The following PTPN21 variants were observed in gnomAD, a reference collection of about 807,000 sequenced individuals.
PTPN21 encodes tyrosine-protein phosphatase non-receptor type 21.
In PTPN21, 77 loss-of-function variants were observed where a neutral mutation model predicts 131.8. That is an observed-to-expected ratio of 0.58 (90% confidence interval 0.49 to 0.71). The LOEUF (loss-of-function observed/expected upper bound fraction) is 0.71, where lower values mean the gene tolerates loss of function less well. Ranked by LOEUF, PTPN21 falls within the 30% of genes least tolerant of loss-of-function variation. The pLI is 0.00. For synonymous variants in PTPN21, 715 were observed against 621.3 expected, an observed-to-expected ratio of 1.15 and a Z score of -2.24; for missense variants, 1,552 against 1,527.1, an observed-to-expected ratio of 1.02 and a Z score of -0.27.
In PTPN21 at chr14:88,479,365, T is replaced by G. The variant is rs779100896; in HGVS notation, c.2066A>C (p.Glu689Ala). 157 of 1,611,998 alleles carry G rather than the reference T, an allele frequency of 9.7e-5. No individual in the cohort carries two copies. The highest frequency in any genetic ancestry group is 3.2e-4 in the South Asian group (29 of 91,072). Residue 689 changes from glutamate to alanine, a missense_variant, in exon 13 of 19, where the codon GAG becomes GCG. Glu to Ala is a moderately radical substitution (Grantham distance 107). This residue lies in a region of PTPN21 where 1,016 missense variants were observed against 883.5 expected (regional missense o/e 1.15). Transcript: ENST00000556564. ...ATGGCCGTACCTCAAGCCCTCCGCC[T>G]CCTCCGGCCCTTCTCGCTGTGTCCT... ...TERTQREGPE[E>A]AEGLRYGHKK...
chr14:88,530,649 G>A (rs2078543907), intron 2 of PTPN21, among the ~76,000 whole-genome samples: 1 of 151,942 alleles, frequency 6.6e-6, no homozygotes, highest in African/African-American at 2.4e-5. Context: ...CTTATATTGG[G>A]CGAATCAGGC....
chr14:88,520,890 C>T lies in PTPN21; in HGVS notation c.181-3629G>A, dbSNP rs114516101. Reference sequence around the variant, plus strand: ...AGAGAGTTGCACTCTATCACTCAGGCGGGAGTGTACTGACATGATCACGGC... The same window carrying T: ...AGAGAGTTGCACTCTATCACTCAGGTGGGAGTGTACTGACATGATCACGGC... On this transcript the variant is annotated intron_variant, in intron 2 of 18. Coordinates refer to ENST00000556564, the MANE Select transcript of PTPN21 (RefSeq NM_007039.4). Among the ~76,000 whole-genome samples, 947 of 152,218 alleles carry T rather than the reference C, an allele frequency of 6.2e-3. 9 individuals are homozygous for T. The highest frequency in any genetic ancestry group is 0.021 in the African/African-American group (868 of 41,540).
At chr14:88,499,434 C>A (rs906378926) in intron 8 of PTPN21, 1 of 152,082 alleles carries the variant, frequency 6.6e-6, no homozygotes, top group African/African-American at 2.4e-5. Context: ...TGTTGTGGGG[C>A]GGGCAGTGAG....
At chr14:88,545,178 T>C (rs985973345) in intron 2 of PTPN21, among the ~76,000 whole-genome samples, 1 of 152,204 alleles carries the variant, frequency 6.6e-6, no homozygotes, top group African/African-American at 2.4e-5. Context: ...ATTCTTCTGA[T>C]TCCATGTTCA....
At chr14:88,482,618 G>GAA (rs777369524) in intron 12 of PTPN21, among the ~76,000 whole-genome samples, 2 of 137,430 alleles carry the variant, frequency 1.5e-5, no homozygotes, top group African/African-American at 7.0e-5. Context: ...CATCTCAAAA[G>GAA]AAAAGAAAAG....
At chr14:88,486,960 G>A (rs1358115615) in intron 10 of PTPN21, among the ~76,000 whole-genome samples, 1 of 140,630 alleles carries the variant, frequency 7.1e-6, no homozygotes, top group African/African-American at 2.7e-5. Context: ...TGGGCAACAA[G>A]AGCGAGATTC....
chr14:88,469,318 T>C lies in PTPN21; in HGVS notation c.3235+181A>G, dbSNP rs2077416948. Among the ~76,000 whole-genome samples, 1 of 152,174 alleles carries C rather than the reference T, an allele frequency of 6.6e-6. No homozygotes were observed. Among genetic ancestry groups the C allele is most frequent in the African/African-American group, 2.4e-5 (1 of 41,430 alleles). ...GAGTCAGCTGTGGCATTCTACTCAC[T>C]ACCAAATCATAATTTATAAACCTCG... On this transcript the variant is annotated intron_variant, in intron 17 of 18. Coordinates refer to ENST00000556564, the MANE Select transcript of PTPN21 (RefSeq NM_007039.4). This position sits in a 1 kb window ranked among gnomAD's most constrained non-coding sequence, Gnocchi z 4.3.
chr14:88,478,503 A>G (rs779288127), intron 13 of PTPN21, among the ~76,000 whole-genome samples: 1 of 152,116 alleles, frequency 6.6e-6, no homozygotes, highest in Non-Finnish European at 1.5e-5. Flanking sequence ...CTTTTTTCAG[A>G]TATCTCTTGA....
intron 2 of PTPN21, among the ~76,000 whole-genome samples, chr14:88,528,693 T>C (rs2078514270): frequency 2.0e-5 from 3 of 152,340 alleles, no homozygotes; most frequent in African/African-American, 4.8e-5. Context: ...TCTCTTCTCT[T>C]GTCTGCCACC....
chr14:88,493,531 C>T (rs545686323), intron 10 of PTPN21, among the ~76,000 whole-genome samples: 1 of 152,284 alleles, frequency 6.6e-6, no homozygotes, highest in Admixed American at 6.5e-5. Context: ...TAATCCTGTA[C>T]CCAGGACGGG....
chr14:88,551,209 C>T (rs1385728388), intron 1 of PTPN21: 1 of 152,226 alleles, frequency 6.6e-6, no homozygotes, highest in African/African-American at 2.4e-5. Context: ...TCATAAAAGA[C>T]CCTACAAATG....
intron 8 of PTPN21, among the ~76,000 whole-genome samples, chr14:88,498,660 C>A (rs2077962520): frequency 6.6e-6 from 1 of 152,108 alleles, no homozygotes; most frequent in African/African-American, 2.4e-5. Flanking sequence ...TTAAGTGCTG[C>A]AGGTATTAAA....
chr14:88,499,031 C>T (rs1412919933), intron 8 of PTPN21, among the ~76,000 whole-genome samples: 1 of 152,132 alleles, frequency 6.6e-6, no homozygotes, highest in Non-Finnish European at 1.5e-5. Context: ...ATAAAGGAAG[C>T]CAGGTAGAAG....
chr14:88,488,771 T>TC (rs1304390307), intron 10 of PTPN21, among the ~76,000 whole-genome samples: 1 of 152,100 alleles, frequency 6.6e-6, no homozygotes, highest in East Asian at 1.9e-4. Flanking sequence ...TGCACTACGA[T>TC]CCCATCTGCG....
At chr14:88,480,916 G>C (rs1011507943) in intron 12 of PTPN21, among the ~76,000 whole-genome samples, 1 of 152,176 alleles carries the variant, frequency 6.6e-6, no homozygotes, top group Non-Finnish European at 1.5e-5. Context: ...GAAGCCAAGA[G>C]GAGCCACATT....
chr14:88,499,287 G>C (rs17124741), intron 8 of PTPN21: 7,232 of 152,302 alleles, frequency 0.047, 250 homozygotes, highest in South Asian at 0.1. Flanking sequence ...TCACCATGGA[G>C]AATTCATGGC....
At chr14:88,510,902 C>T (rs906269013) in intron 3 of PTPN21, among the ~76,000 whole-genome samples, 4 of 150,146 alleles carry the variant, frequency 2.7e-5, no homozygotes, top group African/African-American at 9.9e-5. Flanking sequence ...TGGATGGATA[C>T]ACAGACAGAT....
chr14:88,476,203 T>C (rs1278975779), intron 13 of PTPN21, among the ~76,000 whole-genome samples: 1 of 152,208 alleles, frequency 6.6e-6, no homozygotes, highest in Non-Finnish European at 1.5e-5. Flanking sequence ...GGAAATTTGT[T>C]GTAACGATTA....
At chr14:88,535,802 T>G (rs189010299) in intron 2 of PTPN21, among the ~76,000 whole-genome samples, 1 of 152,358 alleles carries the variant, frequency 6.6e-6, no homozygotes, top group Non-Finnish European at 1.5e-5. Context: ...CAGGCCCATG[T>G]GCCTGAAATT....
Sources: allele counts gnomAD v4.1 joint callset (sites outside exome capture counted in the v4.1 genomes callset), GRCh38; gene constraint gnomAD v4.1.1; regional missense constraint gnomAD v4.1.1; non-coding constraint Gnocchi (gnomAD v3.1); transcripts MANE v1.5; gene names NCBI Gene and HGNC (gene_info 2026-07-23, HGNC 2026-07-21).